ERC2: variants seen among roughly 807,000 people sequenced by gnomAD.
ERC2 encodes the protein ELKS/RAB6-interacting/CAST family member 2, also known as ERC protein 2.
Under a neutral mutation model 114.8 loss-of-function variants are expected in ERC2, and 42 were observed. The observed-to-expected ratio is 0.37, with a 90% CI of 0.29 to 0.47. The LOEUF (loss-of-function observed/expected upper bound fraction) is 0.47, where lower values mean the gene tolerates loss of function less well. Among genes scored for constraint, ERC2 ranks in the 20% least tolerant of loss-of-function variants. The probability of loss-of-function intolerance (pLI) is 0.99; values close to 1 mark genes in which losing one functional copy is unlikely to be tolerated. For synonymous variants in ERC2, 454 were observed against 425.5 expected, an observed-to-expected ratio of 1.07 and a Z score of -0.82; for missense variants, 939 against 1,150.7, an observed-to-expected ratio of 0.82 and a Z score of 2.66.
At chr3:55,540,925 C>T (rs1482102442) in intron 17 of ERC2, among the ~76,000 whole-genome samples, 1 of 152,188 alleles carries the variant, frequency 6.6e-6, no homozygotes, top group Non-Finnish European at 1.5e-5. Context: ...CCTCAGATAA[C>T]AGCTTCTCTT....
At chr3:56,201,872 C>T (rs79955565) in intron 3 of ERC2, among the ~76,000 whole-genome samples, 95 of 152,294 alleles carry the variant, frequency 6.2e-4, no homozygotes, top group Non-Finnish European at 2.8e-4. Context: ...ATGTTTCCAG[C>T]GAATTCTTCT....
intron 2 of ERC2, among the ~76,000 whole-genome samples, chr3:56,411,081 G>A (rs1346612439): frequency 6.9e-6 from 1 of 144,122 alleles, no homozygotes; most frequent in African/African-American, 2.6e-5. Context: ...AATCCAGAAA[G>A]CTTAACCTCA....
At chr3:55,521,897 GT>G (rs2052974296) in intron 17 of ERC2, among the ~76,000 whole-genome samples, 1 of 152,238 alleles carries the variant, frequency 6.6e-6, no homozygotes, top group Non-Finnish European at 1.5e-5. Context: ...GCGTTCCAAT[GT>G]GGCAACAGCT....
chr3:55,948,016 T>C (rs182127046), intron 13 of ERC2, among the ~76,000 whole-genome samples: 3 of 152,360 alleles, frequency 2.0e-5, no homozygotes, highest in Admixed American at 6.5e-5. Context: ...CGTACTGTGC[T>C]ATATATCCAG....
chr3:55,616,321 G>A (rs1386152577), intron 17 of ERC2, among the ~76,000 whole-genome samples: 1 of 152,154 alleles, frequency 6.6e-6, no homozygotes, highest in Admixed American at 6.5e-5. Flanking sequence ...TCCATTGGCC[G>A]CTGAGTACAA....
intron 1 of ERC2, among the ~76,000 whole-genome samples, chr3:56,463,422 T>C (rs557282779): frequency 2.0e-5 from 3 of 152,112 alleles, no homozygotes; most frequent in Non-Finnish European, 4.4e-5. Flanking sequence ...CTTCCACCTA[T>C]GCCATTATCA....
chr3:56,447,825 C>T (rs2062648688), intron 1 of ERC2, among the ~76,000 whole-genome samples: 1 of 151,034 alleles, frequency 6.6e-6, no homozygotes, highest in African/African-American at 2.4e-5. Flanking sequence ...TCACTGCAAC[C>T]TCTGCCTCCT....
intron 14 of ERC2, among the ~76,000 whole-genome samples, chr3:55,830,936 C>T (rs1395322331): frequency 6.6e-6 from 1 of 151,646 alleles, no homozygotes; most frequent in East Asian, 1.9e-4. Context: ...AGAGTGACAC[C>T]CCATTTCTTT....
intron 2 of ERC2, among the ~76,000 whole-genome samples, chr3:56,385,545 G>A (rs747395502): frequency 2.0e-5 from 3 of 152,084 alleles, no homozygotes; most frequent in Non-Finnish European, 2.9e-5. Flanking sequence ...GGGTGAAAAC[G>A]GAACATGATA....
At chr3:55,574,711 A>G (rs1430198280) in intron 17 of ERC2, among the ~76,000 whole-genome samples, 20 of 152,156 alleles carry the variant, frequency 1.3e-4, no homozygotes, top group Non-Finnish European at 1.5e-5. Context: ...GGCTCAAGTG[A>G]TGGTGGCATT....
intron 2 of ERC2, among the ~76,000 whole-genome samples, chr3:56,424,806 T>C (rs2061504647): frequency 2.0e-5 from 3 of 152,192 alleles, no homozygotes; most frequent in Admixed American, 2.0e-4. Context: ...ACTCATTTTT[T>C]TGTCCTTCTG....
chr3:55,953,527 C>T (rs1218235150), intron 12 of ERC2, among the ~76,000 whole-genome samples: 2 of 152,092 alleles, frequency 1.3e-5, no homozygotes, highest in African/African-American at 4.8e-5. Flanking sequence ...TTACTTAATG[C>T]TTACTTGAAA....
intron 16 of ERC2, among the ~76,000 whole-genome samples, chr3:55,688,196 C>T (rs965221605): frequency 2.6e-5 from 4 of 152,268 alleles, no homozygotes; most frequent in Non-Finnish European, 5.9e-5. Context: ...TAAAAATAAG[C>T]GTTAGCTTAT....
intron 2 of ERC2, among the ~76,000 whole-genome samples, chr3:56,310,839 T>C (rs1560569406): frequency 6.6e-6 from 1 of 151,918 alleles, no homozygotes; most frequent in African/African-American, 2.4e-5. Flanking sequence ...GACCCACAGG[T>C]AATCTGTAGT....
At chr3:55,547,224 C>T (rs1221252676) in intron 17 of ERC2, among the ~76,000 whole-genome samples, 1 of 152,186 alleles carries the variant, frequency 6.6e-6, no homozygotes, top group Non-Finnish European at 1.5e-5. Flanking sequence ...CCAGCCGGGC[C>T]CACCACCACT....
intron 7 of ERC2, among the ~76,000 whole-genome samples, chr3:56,046,607 C>T (rs1560083153): frequency 6.6e-6 from 1 of 152,126 alleles, no homozygotes; most frequent in Non-Finnish European, 1.5e-5. Flanking sequence ...AACAAATACC[C>T]ATAAAATAAT....
chr3:56,407,710 G>T (rs2060782583), intron 2 of ERC2, among the ~76,000 whole-genome samples: 1 of 152,196 alleles, frequency 6.6e-6, no homozygotes, highest in Non-Finnish European at 1.5e-5. Flanking sequence ...AGTCACATGG[G>T]GAGCTTGTAA....
At chr3:55,875,724 A>ACACACT (rs1491351730) in intron 14 of ERC2, among the ~76,000 whole-genome samples, 14 of 141,102 alleles carry the variant, frequency 9.9e-5, no homozygotes, top group South Asian at 6.8e-4. Context: ...ACACACACAC[A>ACACACT]CTCTCTCTCT....
intron 17 of ERC2, among the ~76,000 whole-genome samples, chr3:55,620,852 T>C (rs2059296895): frequency 6.6e-6 from 1 of 152,238 alleles, no homozygotes; most frequent in Non-Finnish European, 1.5e-5. Flanking sequence ...ACTTAACTGA[T>C]GGAAGATGTG....
Sources: allele counts gnomAD v4.1 joint callset (sites outside exome capture counted in the v4.1 genomes callset), GRCh38; gene constraint gnomAD v4.1.1; transcripts MANE v1.5; gene names NCBI Gene and HGNC (gene_info 2026-07-23, HGNC 2026-07-21).